The following UBN2 variants were observed in gnomAD, a reference collection of about 807,000 sequenced individuals.
UBN2 encodes ubinuclein 2.
Under a neutral mutation model 120.2 loss-of-function variants are expected in UBN2, and 35 were observed. The observed-to-expected ratio is 0.29, with a 90% confidence interval of 0.22 to 0.39. The LOEUF (loss-of-function observed/expected upper bound fraction) is 0.39, where lower values mean the gene tolerates loss of function less well. Ranked by LOEUF, UBN2 falls within the 10% of genes least tolerant of loss-of-function variation. The pLI, the probability that UBN2 is intolerant of heterozygous loss-of-function variation, is 1.00. For missense variants in UBN2, 1,693 were observed against 1,663.2 expected, an observed-to-expected ratio of 1.02 and a Z score of -0.31; for synonymous variants, 661 against 648.7, an observed-to-expected ratio of 1.02 and a Z score of -0.29.
intron 2 of UBN2, among the ~76,000 whole-genome samples, chr7:139,250,990 C>A (rs968253646): frequency 6.6e-6 from 1 of 151,796 alleles, no homozygotes. Context: ...CACCTGTAGT[C>A]CCACTTACGA....
At chr7:139,321,952 C>G in the UBN2 span, among the ~76,000 whole-genome samples, 1 of 151,990 alleles carries the variant, frequency 6.6e-6, no homozygotes, top group Non-Finnish European at 1.5e-5. Context: ...TGAGATGACA[C>G]TGGATAAGAC....
At position 139,251,134 on chromosome 7, in the gene UBN2, A is replaced by G. The variant is rs114206745; in HGVS notation, c.562-822A>G. On this transcript the variant is annotated intron_variant, in intron 2 of 17. Coordinates refer to ENST00000473989, the MANE Select transcript of UBN2 (RefSeq NM_173569.4). Reference sequence around the variant, plus strand: ...AACAAACATGCAGTGAGCCATGATCATGCCACTGCACTGCAGCCTGGGCAA... The same window carrying G: ...AACAAACATGCAGTGAGCCATGATCGTGCCACTGCACTGCAGCCTGGGCAA... Among the ~76,000 whole-genome samples, 729 of 152,210 alleles carry G rather than the reference A, an allele frequency of 4.8e-3. 6 individuals carry two copies. The highest frequency in any genetic ancestry group is 0.017 in the African/African-American group (699 of 41,548).
intron 6 of UBN2, among the ~76,000 whole-genome samples, chr7:139,262,859 A>G (rs1421691618): frequency 6.6e-6 from 1 of 152,162 alleles, no homozygotes; most frequent in East Asian, 1.9e-4. Context: ...ATGTGGCCCC[A>G]TCTCTACAAT....
Position 139,261,550 on chromosome 7 carries a change from A to G in UBN2, c.1204A>G (p.Met402Val), listed in dbSNP as rs75136253. The change falls in exon 6 of 18, where the codon ATG becomes GTG. Residue 402 changes from methionine to valine, a missense_variant. Met to Val is a conservative substitution (Grantham distance 21). Coordinates refer to ENST00000473989, the MANE Select transcript of UBN2 (RefSeq NM_173569.4). Reference sequence around the variant, plus strand: ...TCAGGAAGCTGAAAATGCCCTAGAGATGCTAGATGATTTTGACTTCGACAG... The same window carrying G: ...TCAGGAAGCTGAAAATGCCCTAGAGGTGCTAGATGATTTTGACTTCGACAG... The part of the protein sequence containing the change: ...LFQEAENALE[M>V]LDDFDFDRLL... The G allele has an allele frequency of 1.9e-3, 3,099 of 1,614,142 alleles. 51 individuals are homozygous for G. The East Asian group carries it at 0.037, about 19-fold the overall frequency.
At chr7:139,316,883 A>G in the UBN2 span, among the ~76,000 whole-genome samples, 3 of 151,570 alleles carry the variant, frequency 2.0e-5, no homozygotes, top group African/African-American at 7.3e-5. Context: ...CCTTCTTTCT[A>G]TAAGATTTTT....
the UBN2 span, among the ~76,000 whole-genome samples, chr7:139,316,605 A>T: frequency 6.6e-6 from 1 of 152,030 alleles, no homozygotes; most frequent in East Asian, 1.9e-4. Flanking sequence ...TTAGCTGGGC[A>T]TGGTGGCAGG....
At chr7:139,276,458 T>A in intron 12 of UBN2, 1 of 368,990 alleles carries the variant, frequency 2.7e-6, no homozygotes, top group Non-Finnish European at 5.0e-6. Flanking sequence ...TTAATGTCCA[T>A]CTGCATTTGT....
intron 2 of UBN2, among the ~76,000 whole-genome samples, chr7:139,238,581 G>A (rs1246439762): frequency 1.3e-5 from 2 of 152,054 alleles, no homozygotes; most frequent in African/African-American, 2.4e-5. Context: ...GCACCACCAT[G>A]CCTGGCTAAT....
intron 2 of UBN2, among the ~76,000 whole-genome samples, chr7:139,243,991 A>G (rs1283132503): frequency 1.3e-5 from 2 of 152,196 alleles, no homozygotes; most frequent in African/African-American, 2.4e-5. Flanking sequence ...ACCTAATAAA[A>G]TAACATTTAT....
chr7:139,292,791 A>G (rs559679598), intron 15 of UBN2, among the ~76,000 whole-genome samples: 112 of 152,296 alleles, frequency 7.4e-4, no homozygotes, highest in African/African-American at 2.7e-3. Flanking sequence ...ATGGCGAGGA[A>G]GAACACCTTG....
chr7:139,328,291 G>A, the UBN2 span, among the ~76,000 whole-genome samples: 3 of 152,194 alleles, frequency 2.0e-5, no homozygotes, highest in African/African-American at 7.2e-5. Context: ...AGAGAGTGGA[G>A]GGGAAAGTGC....
intron 11 of UBN2, 36 bp downstream of exon 11, chr7:139,274,110 T>C (rs1797369169): frequency 1.3e-6 from 2 of 1,549,520 alleles, no homozygotes; most frequent in African/African-American, 2.8e-5. Context: ...TATTTTATTT[T>C]ATTATTATTG....
In UBN2 at chr7:139,261,458, A is replaced by G; in HGVS notation, c.1112A>G (p.Asp371Gly). 2 of 1,614,218 alleles carry G rather than the reference A, an allele frequency of 1.2e-6. No homozygotes were observed. The highest frequency in any genetic ancestry group is 8.5e-7 in the Non-Finnish European group (1 of 1,180,038). The change falls in exon 6 of 18, where the codon GAC becomes GGC. Residue 371 changes from aspartate to glycine, a missense_variant. By Grantham distance (94) the Asp-to-Gly change is moderately conservative (BLOSUM62 -1). Around this residue, in one of 5 missense-constraint regions of UBN2, gnomAD observed 663 missense variants for 591.2 expected, o/e 1.12. Transcript: ENST00000473989. ...AAAALGNDVP[D>G]LNLSSGDPDL... is the part of the protein sequence containing the mutation. ...GCAGCACTGGGGAATGACGTCCCGG[A>G]CTTAAATCTGAGCAGCGGTGATCCA...
In UBN2 at chr7:139,289,288, CAAATT is replaced by C. The variant is rs1051735316; in HGVS notation, c.3670-3940_3670-3936del. On this transcript the variant is annotated intron_variant, in intron 15 of 17. Coordinates refer to ENST00000473989, the MANE Select transcript of UBN2 (RefSeq NM_173569.4). ...TGATGCTTCCATTTATATTTATAAA[CAAATT>C]AAAGTGGATATAGAAGTTACTTGAA... is the stretch of plus-strand genomic sequence containing the variant. Among the ~76,000 whole-genome samples, 36 of 151,890 alleles carry C rather than the reference CAAATT, an allele frequency of 2.4e-4. 1 individual carries two copies. The highest frequency in any genetic ancestry group is 1.8e-3 in the Admixed American group (27 of 15,236).
intron 1 of UBN2, among the ~76,000 whole-genome samples, chr7:139,233,227 T>C (rs1157175987): frequency 6.6e-6 from 1 of 152,212 alleles, no homozygotes. Flanking sequence ...TGTTTAAAGG[T>C]AGAGATCATT....
chr7:139,288,246 A>T (rs1797846384), intron 15 of UBN2, among the ~76,000 whole-genome samples: 1 of 152,222 alleles, frequency 6.6e-6, no homozygotes, highest in South Asian at 2.1e-4. Context: ...TTTTTTCAAA[A>T]TGTGGTAAAT....
intron 15 of UBN2, among the ~76,000 whole-genome samples, chr7:139,286,761 TCTC>T (rs1797801611): frequency 6.6e-6 from 1 of 152,350 alleles, no homozygotes; most frequent in Admixed American, 6.5e-5. Flanking sequence ...CTTTGTACTG[TCTC>T]CTATTTATGT....
intron 3 of UBN2, among the ~76,000 whole-genome samples, chr7:139,258,147 T>C (rs909233777): frequency 1.3e-5 from 2 of 152,252 alleles, no homozygotes; most frequent in South Asian, 2.1e-4. Flanking sequence ...GGTCATCTTT[T>C]TAAACTTGAT....
At chr7:139,247,177 A>G (rs75752181) in intron 2 of UBN2, among the ~76,000 whole-genome samples, 10,936 of 151,964 alleles carry the variant, frequency 0.072, 739 homozygotes, top group Admixed American at 0.2. Flanking sequence ...ACAAAAAACT[A>G]CCAAACCATT....
Sources: gnomAD v4.1 joint callset for allele counts (sites outside exome capture counted in the v4.1 genomes callset) on GRCh38, gnomAD v4.1.1 for gene constraint, gnomAD v4.1.1 regional missense constraint, MANE v1.5 for transcripts, NCBI Gene and HGNC (gene_info 2026-07-23, HGNC 2026-07-21) for gene names.